MYO1B: variants seen among roughly 807,000 people sequenced by gnomAD.
MYO1B encodes the protein unconventional myosin-Ib.
MYO1B carries 72 observed loss-of-function variants against 159.7 expected under a neutral mutation model. That is an observed-to-expected ratio of 0.45 (90% CI 0.37 to 0.55). The LOEUF (loss-of-function observed/expected upper bound fraction) is 0.55, where lower values mean the gene tolerates loss of function less well. Ranked by LOEUF, MYO1B falls within the 20% of genes least tolerant of loss-of-function variation. The pLI, the probability that MYO1B is intolerant of heterozygous loss-of-function variation, is 0.00. For synonymous variants in MYO1B, 468 were observed against 473.8 expected, an observed-to-expected ratio of 0.99 and a Z score of 0.16; for missense variants, 1,062 against 1,364.8, an observed-to-expected ratio of 0.78 and a Z score of 3.50.
intron 3 of MYO1B, among the ~76,000 whole-genome samples, chr2:191,316,787 G>A (rs945250926): frequency 6.6e-6 from 1 of 152,178 alleles, no homozygotes; most frequent in African/African-American, 2.4e-5. Context: ...TGAGTTGATT[G>A]GATGTGACAG....
intron 30 of MYO1B, among the ~76,000 whole-genome samples, chr2:191,421,192 C>T (rs1697915251): frequency 1.3e-5 from 2 of 151,920 alleles, no homozygotes; most frequent in Non-Finnish European, 2.9e-5. Context: ...GCCTCAGTTC[C>T]CCGAGTAGCT....
At chr2:191,286,715 T>G (rs1688394252) in intron 2 of MYO1B, among the ~76,000 whole-genome samples, 1 of 152,130 alleles carries the variant, frequency 6.6e-6, no homozygotes, top group Non-Finnish European at 1.5e-5. Flanking sequence ...GGCCGATTGC[T>G]TTAGTCGAGG....
At chr2:191,334,446 A>G (rs1013830198) in intron 4 of MYO1B, among the ~76,000 whole-genome samples, 3 of 152,110 alleles carry the variant, frequency 2.0e-5, no homozygotes, top group African/African-American at 7.2e-5. Flanking sequence ...AAAAATAACT[A>G]CCACCCTATT....
chr2:191,283,152 C>A (rs565424148), intron 2 of MYO1B, among the ~76,000 whole-genome samples: 2 of 152,316 alleles, frequency 1.3e-5, no homozygotes, highest in African/African-American at 2.4e-5. Flanking sequence ...TTTCCTACAG[C>A]CTTTGGTGAT....
chr2:191,376,087 A>G (rs1353592469), intron 13 of MYO1B, among the ~76,000 whole-genome samples: 1 of 152,222 alleles, frequency 6.6e-6, no homozygotes, highest in Non-Finnish European at 1.5e-5. Context: ...CCAGGTATAA[A>G]AAGTTTTTAG....
intron 7 of MYO1B, among the ~76,000 whole-genome samples, chr2:191,354,845 C>G (rs1188911572): frequency 6.6e-6 from 1 of 152,184 alleles, no homozygotes; most frequent in East Asian, 1.9e-4. Flanking sequence ...GGCAGGGACA[C>G]AGATCATACC....
At chr2:191,328,627 C>T (rs545530235) in intron 3 of MYO1B, among the ~76,000 whole-genome samples, 1 of 152,280 alleles carries the variant, frequency 6.6e-6, no homozygotes, top group East Asian at 1.9e-4. Flanking sequence ...CTTATCCATC[C>T]TGCACTGAAG....
At chr2:191,324,193 T>C (rs1435597688) in intron 3 of MYO1B, among the ~76,000 whole-genome samples, 1 of 152,222 alleles carries the variant, frequency 6.6e-6, no homozygotes, top group Non-Finnish European at 1.5e-5. Context: ...TTATATTCAT[T>C]CTTACATTCT....
At chr2:191,246,686 A>G (rs759901747) in intron 1 of MYO1B, among the ~76,000 whole-genome samples, 1 of 152,142 alleles carries the variant, frequency 6.6e-6, no homozygotes, top group Admixed American at 6.5e-5. Context: ...AATTTTATAG[A>G]ATCAATTTTG....
chr2:191,409,327 A>G (rs1294665039), intron 26 of MYO1B, 149 bp downstream of exon 26: 4 of 923,274 alleles, frequency 4.3e-6, no homozygotes, highest in South Asian at 1.7e-5. Context: ...CATGCACCAT[A>G]TTGAGTTTCT....
chr2:191,300,110 G>A (rs1372049360), intron 3 of MYO1B, among the ~76,000 whole-genome samples: 1 of 152,046 alleles, frequency 6.6e-6, no homozygotes, highest in East Asian at 1.9e-4. Flanking sequence ...TTTGAAACAG[G>A]GTCAATGCTA....
At chr2:191,354,419 C>G (rs773147352) in intron 7 of MYO1B, among the ~76,000 whole-genome samples, 5 of 151,924 alleles carry the variant, frequency 3.3e-5, no homozygotes, top group African/African-American at 7.3e-5. Flanking sequence ...TCTGAATATT[C>G]TGTGCTAATC....
At chr2:191,397,328 A>G (rs1290014404) in intron 21 of MYO1B, among the ~76,000 whole-genome samples, 1 of 146,394 alleles carries the variant, frequency 6.8e-6, no homozygotes, top group African/African-American at 2.5e-5. Flanking sequence ...TCCTAGGCAG[A>G]GGACCCTGCG....
Position 191,317,927 on chromosome 2 carries a change from T to G in MYO1B, c.252-12008T>G, listed in dbSNP as rs554079491. Among the ~76,000 whole-genome samples the G allele has an allele frequency of 3.9e-5, 6 of 152,344 alleles. No homozygotes were observed. In the South Asian group the frequency reaches 1.0e-3, roughly 26 times the overall value. On this transcript the variant is annotated intron_variant, in intron 3 of 30. Coordinates refer to ENST00000392318, the MANE Select transcript of MYO1B (RefSeq NM_001130158.3). Reference sequence around the variant, plus strand: ...TTTGTAAATAGTTGGCAAGCAAACATAGACTTTGAAAATGCCATACATTAA... The same window carrying G: ...TTTGTAAATAGTTGGCAAGCAAACAGAGACTTTGAAAATGCCATACATTAA...
intron 4 of MYO1B, among the ~76,000 whole-genome samples, chr2:191,331,312 T>TAC (rs61312226): frequency 0.095 from 14,487 of 152,114 alleles, 2,236 homozygotes; most frequent in African/African-American, 0.33. Flanking sequence ...AACCACCTGG[T>TAC]GTAGGCTCCT....
At chr2:191,309,968 T>C (rs1238257909) in intron 3 of MYO1B, among the ~76,000 whole-genome samples, 1 of 152,158 alleles carries the variant, frequency 6.6e-6, no homozygotes, top group African/African-American at 2.4e-5. Context: ...CCATAAATAT[T>C]GGTGGAGTGA....
chr2:191,283,831 TG>T (rs1452351936), intron 2 of MYO1B, among the ~76,000 whole-genome samples: 2 of 152,230 alleles, frequency 1.3e-5, no homozygotes, highest in African/African-American at 4.8e-5. Flanking sequence ...GGTATGATAT[TG>T]AAGAATGTGT....
chr2:191,371,421 C>A (rs1340395215), intron 13 of MYO1B, among the ~76,000 whole-genome samples: 1 of 152,056 alleles, frequency 6.6e-6, no homozygotes, highest in Non-Finnish European at 1.5e-5. Flanking sequence ...AATTGAGGGC[C>A]GACTGTATGT....
intron 3 of MYO1B, among the ~76,000 whole-genome samples, chr2:191,301,677 G>A (rs890300247): frequency 2.6e-5 from 4 of 152,176 alleles, no homozygotes; most frequent in Non-Finnish European, 4.4e-5. Flanking sequence ...GAAAAAATTT[G>A]AAATCTAAAA....
Sources: allele counts gnomAD v4.1 joint callset (sites outside exome capture counted in the v4.1 genomes callset), GRCh38; gene constraint gnomAD v4.1.1; transcripts MANE v1.5; gene names NCBI Gene and HGNC (gene_info 2026-07-23, HGNC 2026-07-21).